Variants in SUGCT observed in about 807,000 individuals in gnomAD.
SUGCT encodes succinyl-CoA:glutarate CoA-transferase.
SUGCT carries 41 observed loss-of-function variants against 55.0 expected under a neutral mutation model. The ratio of observed to expected loss-of-function variants is 0.74; its 90% CI spans 0.58 to 0.97. The LOEUF (loss-of-function observed/expected upper bound fraction) is 0.97, where lower values mean the gene tolerates loss of function less well. Among genes scored for constraint, SUGCT ranks in the 50% least tolerant of loss-of-function variants. The pLI is 0.00. For missense variants in SUGCT, 568 were observed against 547.8 expected, an observed-to-expected ratio of 1.04 and a Z score of -0.37; for synonymous variants, 187 against 200.4, an observed-to-expected ratio of 0.93 and a Z score of 0.56.
chr7:40,995,380 C>T, the SUGCT span, among the ~76,000 whole-genome samples: 1 of 44,144 alleles, frequency 2.3e-5, no homozygotes, highest in African/African-American at 1.3e-4. Context: ...CCTATAATAG[C>T]TGTTATTATT....
At chr7:40,971,285 C>G in the SUGCT span, among the ~76,000 whole-genome samples, 1 of 152,078 alleles carries the variant, frequency 6.6e-6, no homozygotes, top group Non-Finnish European at 1.5e-5. Context: ...TGGTGCTAAG[C>G]CATTCATCTG....
intron 13 of SUGCT, among the ~76,000 whole-genome samples, chr7:40,790,953 A>T (rs1307811700): frequency 2.0e-5 from 3 of 152,214 alleles, no homozygotes; most frequent in East Asian, 3.8e-4. Flanking sequence ...GGTGGCTGAG[A>T]TTTGTTCTTA....
At chr7:41,006,441 C>A in the SUGCT span, among the ~76,000 whole-genome samples, 1 of 149,772 alleles carries the variant, frequency 6.7e-6, no homozygotes, top group South Asian at 2.2e-4. Flanking sequence ...TGCAAAATAC[C>A]TTGCCCTTTT....
At chr7:40,399,488 A>G (rs1172780742) in intron 9 of SUGCT, among the ~76,000 whole-genome samples, 1 of 152,200 alleles carries the variant, frequency 6.6e-6, no homozygotes, top group Non-Finnish European at 1.5e-5. Context: ...CAATGTCACT[A>G]GGATCATTTT....
chr7:40,346,928 G>T (rs1028544541), intron 9 of SUGCT, among the ~76,000 whole-genome samples: 7 of 152,164 alleles, frequency 4.6e-5, no homozygotes, highest in Non-Finnish European at 8.8e-5. Context: ...TGAACCTTCA[G>T]AACTATGAGA....
chr7:40,779,967 C>A (rs1789651464), intron 13 of SUGCT, among the ~76,000 whole-genome samples: 1 of 152,268 alleles, frequency 6.6e-6, no homozygotes, highest in African/African-American at 2.4e-5. Context: ...GTGCTGTCGG[C>A]AAACTGTGTG....
chr7:40,332,456 T>G (rs1486855973), intron 9 of SUGCT, among the ~76,000 whole-genome samples: 10 of 82,402 alleles, frequency 1.2e-4, no homozygotes, highest in African/African-American at 3.0e-4. Context: ...TTTTTTTTTG[T>G]TTTTTTTTTT....
At chr7:40,264,915 TTG>T (rs1260618314) in intron 7 of SUGCT, among the ~76,000 whole-genome samples, 1 of 152,168 alleles carries the variant, frequency 6.6e-6, no homozygotes, top group Non-Finnish European at 1.5e-5. Context: ...AAAGTCTCAT[TTG>T]TGCAGCCTTT....
intron 8 of SUGCT, among the ~76,000 whole-genome samples, chr7:40,297,166 G>A (rs1794211998): frequency 6.6e-6 from 1 of 151,752 alleles, no homozygotes; most frequent in Admixed American, 6.6e-5. Context: ...TCCCTCTTCT[G>A]TCCATGTTCA....
At chr7:40,882,284 T>G in the SUGCT span, among the ~76,000 whole-genome samples, 1 of 152,242 alleles carries the variant, frequency 6.6e-6, no homozygotes, top group African/African-American at 2.4e-5. Flanking sequence ...TTACTTCTAT[T>G]CAGAAGCAGT....
chr7:40,650,486 C>T lies in SUGCT; in HGVS notation c.1090-98948C>T, dbSNP rs534565665. On this transcript the variant is annotated intron_variant, in intron 12 of 13. Transcript: ENST00000335693. Reference sequence around the variant, plus strand: ...GGAATCCAACACTAAAGGTTTGGTCCGCTCCCTGTGTATATGTTTTGTAGG... The same window carrying T: ...GGAATCCAACACTAAAGGTTTGGTCTGCTCCCTGTGTATATGTTTTGTAGG... 1.4e-3 allele frequency among the ~76,000 whole-genome samples: 210 copies of T among 152,156 alleles called. 2 individuals carry two copies. The highest frequency in any genetic ancestry group is 4.8e-3 in the African/African-American group (199 of 41,498).
intron 12 of SUGCT, among the ~76,000 whole-genome samples, chr7:40,613,613 A>AGT (rs1332502316): frequency 6.7e-6 from 1 of 148,496 alleles, no homozygotes; most frequent in African/African-American, 2.5e-5. Context: ...TCCTGCACCC[A>AGT]ATTTTTTTTT....
chr7:40,311,794 C>T (rs1409916075), intron 8 of SUGCT, among the ~76,000 whole-genome samples: 1 of 152,142 alleles, frequency 6.6e-6, no homozygotes, highest in Non-Finnish European at 1.5e-5. Flanking sequence ...TACACATTAG[C>T]AACACTCAGT....
At chr7:40,658,771 A>G (rs1413882951) in intron 12 of SUGCT, among the ~76,000 whole-genome samples, 1 of 152,162 alleles carries the variant, frequency 6.6e-6, no homozygotes, top group Non-Finnish European at 1.5e-5. Context: ...TCCAGCCGTA[A>G]AATCCCACAC....
intron 12 of SUGCT, among the ~76,000 whole-genome samples, chr7:40,624,557 T>G (rs1799425003): frequency 6.6e-6 from 1 of 152,190 alleles, no homozygotes; most frequent in South Asian, 2.1e-4. Flanking sequence ...GCAATCTGAT[T>G]TGAGACCTTG....
At chr7:40,262,495 C>CAAA (rs67739412) in intron 7 of SUGCT, among the ~76,000 whole-genome samples, 4 of 122,042 alleles carry the variant, frequency 3.3e-5, no homozygotes, top group African/African-American at 6.5e-5. Flanking sequence ...ACCGAAAATA[C>CAAA]AAAAAAAAAA....
intron 9 of SUGCT, among the ~76,000 whole-genome samples, chr7:40,415,096 C>G (rs1297492696): frequency 1.4e-5 from 2 of 145,396 alleles, no homozygotes; most frequent in East Asian, 4.1e-4. Flanking sequence ...ATCTATCTAT[C>G]TATCTATCTA....
intron 12 of SUGCT, among the ~76,000 whole-genome samples, chr7:40,599,372 A>G (rs909534747): frequency 2.0e-5 from 3 of 152,206 alleles, no homozygotes; most frequent in Non-Finnish European, 4.4e-5. Context: ...AGGGTAGATG[A>G]TAGCCATGCT....
At chr7:40,289,132 G>T (rs1208453045) in intron 8 of SUGCT, among the ~76,000 whole-genome samples, 2 of 152,096 alleles carry the variant, frequency 1.3e-5, no homozygotes, top group Non-Finnish European at 2.9e-5. Flanking sequence ...ACCTTACATG[G>T]TAAAGGGAAC....
Sources: gnomAD v4.1 joint callset for allele counts (sites outside exome capture counted in the v4.1 genomes callset) on GRCh38, gnomAD v4.1.1 for gene constraint, MANE v1.5 for transcripts, NCBI Gene and HGNC (gene_info 2026-07-23, HGNC 2026-07-21) for gene names.